CALCRL: variants seen among roughly 807,000 people sequenced by gnomAD.
The protein encoded by CALCRL is calcitonin gene-related peptide type 1 receptor.
CALCRL carries 27 observed loss-of-function variants against 60.4 expected under a neutral mutation model. The ratio of observed to expected loss-of-function variants is 0.45; its 90% CI spans 0.33 to 0.62. CALCRL has a LOEUF of 0.62. Among genes scored for constraint, CALCRL ranks in the 20% least tolerant of loss-of-function variants. The pLI is 0.03. For synonymous variants in CALCRL, 190 were observed against 182.6 expected (o/e 1.04, Z -0.33); for missense variants, 424 against 540.7 (o/e 0.78, Z 2.14).
At chr2:187,397,471 T>G (rs1281809409) in intron 1 of CALCRL, among the ~76,000 whole-genome samples, 1 of 151,664 alleles carries the variant, frequency 6.6e-6, no homozygotes, top group Non-Finnish European at 1.5e-5. Flanking sequence ...AAATATGGAC[T>G]TCTTAAAGAA....
intron 1 of CALCRL, among the ~76,000 whole-genome samples, chr2:187,414,887 TTTA>T (rs1232713576): frequency 0.18 from 713 of 3,960 alleles, 5 homozygotes; most frequent in Middle Eastern, 0.5. Context: ...TTTTTTTTTT[TTTA>T]AAAAAAAAAA....
At chr2:187,430,743 A>G (rs1353933788) in intron 1 of CALCRL, among the ~76,000 whole-genome samples, 4 of 152,140 alleles carry the variant, frequency 2.6e-5, no homozygotes, top group Non-Finnish European at 5.9e-5. Context: ...CTTATGTTCC[A>G]ATTATGAAAA....
chr2:187,416,872 C>A (rs1689635254), intron 1 of CALCRL, among the ~76,000 whole-genome samples: 1 of 152,012 alleles, frequency 6.6e-6, no homozygotes, highest in Non-Finnish European at 1.5e-5. Flanking sequence ...AAAAAGTATT[C>A]TATAGCAATT....
At chr2:187,370,120 C>A (rs1260032014) in intron 8 of CALCRL, among the ~76,000 whole-genome samples, 1 of 152,154 alleles carries the variant, frequency 6.6e-6, no homozygotes, top group Non-Finnish European at 1.5e-5. Context: ...TTATTCCCAT[C>A]TCTTTCATGT....
At chr2:187,356,231 C>T (rs560389470) in intron 12 of CALCRL, among the ~76,000 whole-genome samples, 117 of 152,268 alleles carry the variant, frequency 7.7e-4, no homozygotes, top group Non-Finnish European at 1.4e-3. Flanking sequence ...AAGCTGGAGG[C>T]GTCACGCTAC....
intron 4 of CALCRL, among the ~76,000 whole-genome samples, chr2:187,385,242 C>G (rs1381695955): frequency 1.3e-5 from 2 of 152,098 alleles, no homozygotes; most frequent in Non-Finnish European, 2.9e-5. Context: ...AATATTTTCT[C>G]TACTATGTAC....
In CALCRL at chr2:187,420,728, T is replaced by C. The variant is rs140262354; in HGVS notation, c.-293+27311A>G. Among the ~76,000 whole-genome samples the C allele has an allele frequency of 6.5e-4, 99 of 152,158 alleles. No homozygotes were observed. The East Asian group carries it at 0.018, about 28-fold the overall frequency. The stretch of plus-strand genomic sequence containing the variant: ...CTGAGAGTAGAGGTGTAGGGAACAC[T>C]AGGTTCAGAACAGAGGAAGAAAGAG... On this transcript the variant is annotated intron_variant, in intron 1 of 14. Transcript: ENST00000392370.
At chr2:187,424,430 A>G (rs1238829192) in intron 1 of CALCRL, among the ~76,000 whole-genome samples, 4 of 138,518 alleles carry the variant, frequency 2.9e-5, no homozygotes, top group African/African-American at 1.1e-4. Context: ...CTTCCTAGGC[A>G]TTTCTCAAAT....
In CALCRL at chr2:187,399,940, G is replaced by A. The variant is rs143265459; in HGVS notation, c.-292-12184C>T. Among the ~76,000 whole-genome samples, 73 of 151,506 alleles carry A rather than the reference G, an allele frequency of 4.8e-4. 1 individual carries two copies. The highest frequency in any genetic ancestry group is 1.7e-3 in the African/African-American group (71 of 41,448). On this transcript the variant is annotated intron_variant, in intron 1 of 14. Coordinates refer to ENST00000392370, the MANE Select transcript of CALCRL (RefSeq NM_005795.6). ...TAGAATGGTAACTACTGGAGTCTGG[G>A]GTGGGTAGCAGGGAGAGAGTGATAT... is the stretch of plus-strand genomic sequence containing the variant.
At position 187,363,490 on chromosome 2, in the gene CALCRL, G is replaced by A. The variant is rs772648550; in HGVS notation, c.513C>T (p.Cys171=). 5.6e-6 allele frequency: 9 copies of A among 1,596,084 alleles called. No homozygotes were observed. In the East Asian group the frequency reaches 1.1e-4, roughly 20 times the overall value. Residue 171 remains cysteine (C), a synonymous_variant, in exon 9 of 15, where the codon TGC becomes TGT. Transcript: ENST00000392370. ...GIFFYFKSLS[C]QRITLHKNLF... is the part of the protein sequence containing the mutation. ...GATTTTTGTGTAAGGTAATCCTTTG[G>A]CAACTTAGGCTCCTAAAAAGCAAGA...
At chr2:187,391,033 A>G (rs1688419661) in intron 1 of CALCRL, among the ~76,000 whole-genome samples, 1 of 152,200 alleles carries the variant, frequency 6.6e-6, no homozygotes, top group Admixed American at 6.6e-5. Context: ...CTCAAATTCC[A>G]TAATAGATGA....
Position 187,359,130 on chromosome 2 carries a change from C to G in CALCRL, c.843-1G>C. The stretch of plus-strand genomic sequence containing the variant: ...ATGGGTATCAGAACTGATCCAGCAA[C>G]TAGAGAAAACATAATAACATTATGT... On this transcript the variant is annotated splice_acceptor_variant, in intron 11 of 14. Coordinates refer to ENST00000392370, the MANE Select transcript of CALCRL (RefSeq NM_005795.6). LOFTEE classifies it high-confidence loss of function. 1 of 1,611,770 alleles carries G rather than the reference C, an allele frequency of 6.2e-7. No homozygotes were observed. Among genetic ancestry groups the G allele is most frequent in the Non-Finnish European group, 8.5e-7 (1 of 1,178,250 alleles).
intron 8 of CALCRL, among the ~76,000 whole-genome samples, chr2:187,376,577 C>T (rs1687763280): frequency 6.6e-6 from 1 of 152,088 alleles, no homozygotes; most frequent in African/African-American, 2.4e-5. Flanking sequence ...GGCAGCCCTA[C>T]TCTTATCTAA....
rs1470362353 is a variant in CALCRL, at chr2:187,448,110, G to T, written c.-364C>A. ...GAACTTTACTTTCTGAGATTCCGCA[G>T]AAGAGATTTACCCACAAGCAAGGTG... On this transcript the variant is annotated 5_prime_UTR_variant, in exon 1 of 15. In the 5' UTR this introduces an upstream ATG that the reference lacks. Coordinates refer to ENST00000392370, the MANE Select transcript of CALCRL (RefSeq NM_005795.6). 1.3e-5 allele frequency: 2 copies of T among 152,112 alleles called. No homozygotes were observed. The highest frequency in any genetic ancestry group is 4.8e-5 in the African/African-American group (2 of 41,442). 9.4% of individuals were successfully genotyped at this position (152,112 alleles called of 1,614,324 possible).
At chr2:187,389,360 A>T (rs1688341392) in intron 1 of CALCRL, among the ~76,000 whole-genome samples, 1 of 152,154 alleles carries the variant, frequency 6.6e-6, no homozygotes, top group Non-Finnish European at 1.5e-5. Context: ...AGTGTGAGCC[A>T]CCGTGCCTTG....
Position 187,344,881 on chromosome 2 carries a change from A to T in CALCRL, c.*1303T>A, listed in dbSNP as rs1189713790. Reference sequence around the variant, plus strand: ...TGGTATTTATCACAGTAGTTGTTTAAAATTTCTGGATTAGAATGTGAGTTC... The same window carrying T: ...TGGTATTTATCACAGTAGTTGTTTATAATTTCTGGATTAGAATGTGAGTTC... On this transcript the variant is annotated 3_prime_UTR_variant, in exon 15 of 15. Coordinates refer to ENST00000392370, the MANE Select transcript of CALCRL (RefSeq NM_005795.6). 6.6e-6 allele frequency: 1 copy of T among 151,768 alleles called. No homozygotes were observed. The highest frequency in any genetic ancestry group is 1.5e-5 in the Non-Finnish European group (1 of 67,754). 9.4% of individuals were successfully genotyped at this position (151,768 alleles called of 1,614,324 possible).
intron 1 of CALCRL, among the ~76,000 whole-genome samples, chr2:187,416,394 C>T (rs1373649294): frequency 6.6e-6 from 1 of 152,100 alleles, no homozygotes; most frequent in Non-Finnish European, 1.5e-5. Flanking sequence ...CTTCTGTACT[C>T]CTAATTTCCC....
At chr2:187,364,496 A>G (rs1319134046) in intron 8 of CALCRL, among the ~76,000 whole-genome samples, 1 of 151,918 alleles carries the variant, frequency 6.6e-6, no homozygotes, top group Non-Finnish European at 1.5e-5. Flanking sequence ...TGCTATTAAT[A>G]TGGTCAACCT....
chr2:187,440,729 C>G (rs1348168433), intron 1 of CALCRL, among the ~76,000 whole-genome samples: 1 of 151,918 alleles, frequency 6.6e-6, no homozygotes, highest in African/African-American at 2.4e-5. Context: ...TGTGTATTTA[C>G]TTTGAAGGAA....
Sources: gnomAD v4.1 joint callset for allele counts (sites outside exome capture counted in the v4.1 genomes callset) on GRCh38, gnomAD v4.1.1 for gene constraint, MANE v1.5 for transcripts, NCBI Gene and HGNC (gene_info 2026-07-23, HGNC 2026-07-21) for gene names.